RBFOX1: variants seen among roughly 807,000 people sequenced by gnomAD.
The protein encoded by RBFOX1 is RNA binding fox-1 homolog 1.
A neutral mutation model predicts 57.7 loss-of-function variants in RBFOX1; 8 were observed. The observed-to-expected ratio is 0.14, with a 90% CI of 0.08 to 0.25. The LOEUF (loss-of-function observed/expected upper bound fraction) is 0.25. Among genes scored for constraint, RBFOX1 ranks in the 10% least tolerant of loss-of-function variants. The probability of loss-of-function intolerance (pLI) is 1.00; values close to 1 mark genes in which losing one functional copy is unlikely to be tolerated. For missense variants in RBFOX1, 611 were observed against 548.5 expected (o/e 1.11, Z -1.14); for synonymous variants, 326 against 222.4 (o/e 1.47, Z -4.15).
intron 2 of RBFOX1, among the ~76,000 whole-genome samples, chr16:6,469,214 A>G (rs2095119055): frequency 1.3e-5 from 2 of 152,206 alleles, no homozygotes; most frequent in Non-Finnish European, 1.5e-5. Flanking sequence ...AGAGTAAAAT[A>G]TAGAGAAGTA....
chr16:6,372,483 A>G (rs919283625), intron 2 of RBFOX1, among the ~76,000 whole-genome samples: 7 of 150,598 alleles, frequency 4.6e-5, no homozygotes, highest in African/African-American at 7.4e-5. Context: ...TGTTGGATGG[A>G]ATGGAGATTG....
At chr16:5,857,586 C>T (rs1409149230) in intron 3 of RBFOX1, among the ~76,000 whole-genome samples, 1 of 152,102 alleles carries the variant, frequency 6.6e-6, no homozygotes, top group East Asian at 1.9e-4. Context: ...CCAGACATTG[C>T]CAAATCTCCC....
At chr16:5,739,036 A>C (rs1453128124) in intron 3 of RBFOX1, among the ~76,000 whole-genome samples, 1 of 150,860 alleles carries the variant, frequency 6.6e-6, no homozygotes, top group African/African-American at 2.4e-5. Flanking sequence ...TTTAGAAAAA[A>C]CTCTTTTTTG....
chr16:6,464,688 G>T (rs1016637445), intron 2 of RBFOX1, among the ~76,000 whole-genome samples: 1 of 152,226 alleles, frequency 6.6e-6, no homozygotes, highest in Non-Finnish European at 1.5e-5. Flanking sequence ...CCCTAGAGTG[G>T]TCAGGTCACC....
chr16:6,328,707 A>G lies in RBFOX1; in HGVS notation c.-64+11650A>G, dbSNP rs555435388. Among the ~76,000 whole-genome samples the G allele has an allele frequency of 4.6e-5, 7 of 152,184 alleles. No homozygotes were observed. The East Asian group carries it at 9.7e-4, about 21-fold the overall frequency. ...CTCATGAGGATGGCAATAGGAAACC[A>G]TAGGTCTCTTGTGAAGATTAAATAA... On this transcript the variant is annotated intron_variant, in intron 2 of 15. Transcript: ENST00000550418.
At chr16:6,684,495 A>G (rs1309888192) in intron 3 of RBFOX1, among the ~76,000 whole-genome samples, 1 of 152,236 alleles carries the variant, frequency 6.6e-6, no homozygotes, top group African/African-American at 2.4e-5. Context: ...TGCAAACATC[A>G]TCAGCTTGTG....
intron 1 of RBFOX1, among the ~76,000 whole-genome samples, chr16:5,337,108 G>C (rs1452615950): frequency 1.3e-5 from 2 of 152,156 alleles, no homozygotes; most frequent in African/African-American, 4.8e-5. Flanking sequence ...GAGATGGCCG[G>C]CTGGGGACGG....
chr16:6,756,020 C>T lies in RBFOX1; in HGVS notation c.-16+101370C>T, dbSNP rs148913106. Among the ~76,000 whole-genome samples the T allele has an allele frequency of 2.4e-3, 361 of 152,232 alleles. 1 individual carries two copies. Among genetic ancestry groups the T allele is most frequent in the African/African-American group, 7.9e-3 (328 of 41,546 alleles). On this transcript the variant is annotated intron_variant, in intron 3 of 15. Transcript: ENST00000550418. ...CCCACTTCTGCAATCACATCAGCCC[C>T]GTTTGGATGACAGTACACAATGAGG...
chr16:7,112,156 C>G (rs116265523), intron 4 of RBFOX1, among the ~76,000 whole-genome samples: 1 of 152,078 alleles, frequency 6.6e-6, no homozygotes, highest in Non-Finnish European at 1.5e-5. Flanking sequence ...TGAGAAAATT[C>G]AGAATCATAC....
chr16:6,956,716 A>G (rs1396325169), intron 3 of RBFOX1, among the ~76,000 whole-genome samples: 1 of 152,188 alleles, frequency 6.6e-6, no homozygotes, highest in East Asian at 1.9e-4. Flanking sequence ...ATGCCTTTAG[A>G]AAACAATTTA....
rs560321326 is a variant in RBFOX1 at position 5,976,877 on chromosome 16, T to A, written c.351+109542T>A. Among the ~76,000 whole-genome samples, 483 of 152,178 alleles carry A rather than the reference T, an allele frequency of 3.2e-3. 1 individual carries two copies. Among genetic ancestry groups the A allele is most frequent in the Middle Eastern group, 0.024 (7 of 294 alleles). Reference sequence around the variant, plus strand: ...GAGCAAGACTCTGTCAATCAATGTATCAATAAGGTCTTGCTAAAGATGATA... The same window carrying A: ...GAGCAAGACTCTGTCAATCAATGTAACAATAAGGTCTTGCTAAAGATGATA... On this transcript the variant is annotated intron_variant, in intron 4 of 19. Transcript: ENST00000641259.
chr16:6,893,642 C>G (rs892039643), intron 3 of RBFOX1, among the ~76,000 whole-genome samples: 6 of 152,246 alleles, frequency 3.9e-5, no homozygotes, highest in Admixed American at 6.5e-5. Context: ...CCCTGTTCCT[C>G]CAATAGAGCA....
intron 1 of RBFOX1, among the ~76,000 whole-genome samples, chr16:5,401,579 C>G (rs1165972516): frequency 6.6e-6 from 1 of 152,112 alleles, no homozygotes; most frequent in African/African-American, 2.4e-5. Context: ...CACCCTTCCC[C>G]TAAAAATGAT....
At chr16:6,886,662 C>A (rs1210787373) in intron 3 of RBFOX1, among the ~76,000 whole-genome samples, 1 of 151,336 alleles carries the variant, frequency 6.6e-6, no homozygotes, top group Admixed American at 6.6e-5. Context: ...GGCTGAGGCA[C>A]AAGAATCGCT....
At chr16:7,211,760 C>T (rs1464335620) in intron 4 of RBFOX1, among the ~76,000 whole-genome samples, 5 of 152,116 alleles carry the variant, frequency 3.3e-5, no homozygotes, top group African/African-American at 7.2e-5. Context: ...TAGGAGGACT[C>T]GGGGGGATTC....
intron 3 of RBFOX1, among the ~76,000 whole-genome samples, chr16:7,000,432 C>T (rs1486048650): frequency 2.0e-5 from 3 of 152,064 alleles, no homozygotes; most frequent in African/African-American, 7.2e-5. Context: ...CATTTTTATG[C>T]AACAGTCTCT....
At chr16:7,542,368 T>A (rs143845361) in intron 5 of RBFOX1, among the ~76,000 whole-genome samples, 308 of 152,282 alleles carry the variant, frequency 2.0e-3, no homozygotes, top group Middle Eastern at 3.4e-3. Flanking sequence ...CTCTTGACTT[T>A]CCACCCCACC....
At chr16:6,920,962 G>C (rs1009273757) in intron 3 of RBFOX1, among the ~76,000 whole-genome samples, 11 of 152,308 alleles carry the variant, frequency 7.2e-5, no homozygotes, top group African/African-American at 2.4e-4. Context: ...ATGACTATCA[G>C]AGAATGGATT....
At chr16:6,819,916 G>A (rs1356276830) in intron 3 of RBFOX1, among the ~76,000 whole-genome samples, 1 of 152,020 alleles carries the variant, frequency 6.6e-6, no homozygotes, top group Non-Finnish European at 1.5e-5. Context: ...GCACATCAGG[G>A]AGACTGTTCC....
Sources: allele counts gnomAD v4.1 joint callset (sites outside exome capture counted in the v4.1 genomes callset), GRCh38; gene constraint gnomAD v4.1.1; transcripts MANE v1.5; gene names NCBI Gene and HGNC (gene_info 2026-07-23, HGNC 2026-07-21).